PPP4R4: variants seen among roughly 807,000 people sequenced by gnomAD.
PPP4R4 encodes protein phosphatase 4 regulatory subunit 4.
Under a neutral mutation model 121.8 loss-of-function variants are expected in PPP4R4, and 70 were observed. That is an observed-to-expected ratio of 0.57 (90% CI 0.47 to 0.70). The LOEUF (loss-of-function observed/expected upper bound fraction) is 0.70. Among genes scored for constraint, PPP4R4 ranks in the 30% least tolerant of loss-of-function variants. The pLI is 0.00. For missense variants in PPP4R4, 875 were observed against 1,033.6 expected, an observed-to-expected ratio of 0.85 and a Z score of 2.10; for synonymous variants, 348 against 355.7, an observed-to-expected ratio of 0.98 and a Z score of 0.24.
intron 1 of PPP4R4, 100 bp from the exon 2 acceptor site, chr14:94,175,953 AC>A (rs2139365030): frequency 1.1e-6 from 1 of 911,974 alleles, no homozygotes; most frequent in Admixed American, 1.9e-5. Flanking sequence ...TAATTGTGAA[AC>A]TTTTTCATTC....
intron 10 of PPP4R4, 121 bp downstream of exon 10, chr14:94,242,078 A>G: frequency 3.5e-6 from 4 of 1,158,366 alleles, no homozygotes; most frequent in Non-Finnish European, 4.9e-6. Context: ...TCTAGCATAC[A>G]TAGTATGTGC....
At chr14:94,237,111 A>G (rs1316319954) in intron 7 of PPP4R4, among the ~76,000 whole-genome samples, 3 of 152,186 alleles carry the variant, frequency 2.0e-5, no homozygotes, top group Non-Finnish European at 4.4e-5. Context: ...ATCATCTTCT[A>G]TATAGAAATT....
intron 3 of PPP4R4, among the ~76,000 whole-genome samples, chr14:94,219,064 T>C (rs1891236585): frequency 6.8e-6 from 1 of 147,124 alleles, no homozygotes; most frequent in South Asian, 2.2e-4. Flanking sequence ...AATCTTTTTT[T>C]TTTTTCTTTT....
intron 3 of PPP4R4, among the ~76,000 whole-genome samples, chr14:94,224,742 GA>G (rs1891602642): frequency 6.6e-6 from 1 of 152,090 alleles, no homozygotes; most frequent in South Asian, 2.1e-4. Flanking sequence ...ATACGGATGT[GA>G]TACTCTGAAC....
chr14:94,201,901 C>CT (rs1890202802), intron 2 of PPP4R4, among the ~76,000 whole-genome samples: 1 of 150,220 alleles, frequency 6.7e-6, no homozygotes, highest in Admixed American at 6.6e-5. Context: ...AAATGCCCAT[C>CT]AGTCAATGAG....
rs186191534 is a variant in PPP4R4, at chr14:94,202,335, G to A, written c.192-6129G>A. The stretch of plus-strand genomic sequence containing the variant: ...TGCTTAGATACGAATCTAAGAAAAT[G>A]TGTGTAAGATCTGTTTGTTAAAAAT... On this transcript the variant is annotated intron_variant, in intron 2 of 24. Coordinates refer to ENST00000304338, the MANE Select transcript of PPP4R4 (RefSeq NM_058237.2). 2.8e-4 allele frequency among the ~76,000 whole-genome samples: 43 copies of A among 152,296 alleles called. 1 individual carries two copies. Among genetic ancestry groups the A allele is most frequent in the Admixed American group, 2.1e-3 (32 of 15,298 alleles).
Position 94,264,944 on chromosome 14 carries a change from A to G in PPP4R4, c.2194A>G (p.Lys732Glu). The G allele has an allele frequency of 6.3e-7, 1 of 1,589,778 alleles. No individual in the cohort carries two copies. Residue 732 changes from lysine (K) to glutamate (E), a missense_variant, in exon 20 of 25, where the codon AAA (lysine) becomes GAA (glutamate). Lys to Glu is a moderately conservative substitution (Grantham distance 56). Transcript: ENST00000304338. ...CATGAGTGATAAAATGTTTGAAAAG[A>G]AACGTAAGTAGTTTTTCTATGTCTT... is the stretch of plus-strand genomic sequence containing the variant. ...RPMSDKMFEK[K>E]RRDTKTPTQS... is the part of the protein sequence containing the mutation.
rs57458689 is a variant in PPP4R4, at chr14:94,264,170, A to G, written c.2128-708A>G. Among the ~76,000 whole-genome samples the G allele has an allele frequency of 6.6e-5, 10 of 152,264 alleles. No homozygotes were observed. In the East Asian group the frequency reaches 1.5e-3, roughly 23 times the overall value. On this transcript the variant is annotated intron_variant, in intron 19 of 24. Transcript: ENST00000304338. ...ACATATTTATGTATGTATATTTGAGATGGAGTCTCACTCTGTCACCCAGGC... is the reference window on the plus strand; with the variant it reads ...ACATATTTATGTATGTATATTTGAGGTGGAGTCTCACTCTGTCACCCAGGC...
At chr14:94,181,425 C>T (rs1386077819) in intron 2 of PPP4R4, among the ~76,000 whole-genome samples, 1 of 152,140 alleles carries the variant, frequency 6.6e-6, no homozygotes, top group Non-Finnish European at 1.5e-5. Flanking sequence ...TTAATACAAA[C>T]AATTGGCTAG....
At chr14:94,231,220 A>G (rs1235528655) in intron 4 of PPP4R4, 22 bp from the exon 5 acceptor site, 1 of 1,583,086 alleles carries the variant, frequency 6.3e-7, no homozygotes, top group Non-Finnish European at 8.7e-7. Flanking sequence ...TTAATTTAGT[A>G]TGTTTTATCT....
At chr14:94,197,310 T>A (rs931613367) in intron 2 of PPP4R4, among the ~76,000 whole-genome samples, 1 of 152,206 alleles carries the variant, frequency 6.6e-6, no homozygotes, top group African/African-American at 2.4e-5. Flanking sequence ...CCATTTGCAG[T>A]TTTAGCTGCC....
chr14:94,175,845 C>A (rs1888650761), intron 1 of PPP4R4: 2 of 567,184 alleles, frequency 3.5e-6, no homozygotes, highest in African/African-American at 1.9e-5. Context: ...AAAAATACAG[C>A]CCCCTCCCCA....
intron 17 of PPP4R4, 148 bp from the exon 18 acceptor site, chr14:94,258,635 T>G: frequency 1.6e-6 from 1 of 639,322 alleles, no homozygotes; most frequent in Non-Finnish European, 2.8e-6. Flanking sequence ...CAATGTAGAA[T>G]TGGGCAGAAC....
chr14:94,275,561 C>T (rs1341145346), intron 24 of PPP4R4, 40 bp downstream of exon 24: 4 of 1,602,706 alleles, frequency 2.5e-6, no homozygotes, highest in African/African-American at 1.3e-5. Flanking sequence ...GTATTATCCT[C>T]CTCTTTTGCT....
At chr14:94,179,749 A>G (rs1333707389) in intron 2 of PPP4R4, among the ~76,000 whole-genome samples, 1 of 152,224 alleles carries the variant, frequency 6.6e-6, no homozygotes. Flanking sequence ...TCAATTGGCC[A>G]TTAATCACTG....
At chr14:94,264,144 T>G (rs537409594) in intron 19 of PPP4R4, among the ~76,000 whole-genome samples, 11 of 152,182 alleles carry the variant, frequency 7.2e-5, no homozygotes, top group Non-Finnish European at 1.2e-4. Context: ...ACTTTCTTTA[T>G]ACATATTTAT....
At chr14:94,194,769 A>G (rs550091425) in intron 2 of PPP4R4, among the ~76,000 whole-genome samples, 1 of 152,224 alleles carries the variant, frequency 6.6e-6, no homozygotes, top group South Asian at 2.1e-4. Context: ...ACACCGGGCA[A>G]TACTTGGTTT....
intron 13 of PPP4R4, among the ~76,000 whole-genome samples, chr14:94,245,878 G>A (rs1892866953): frequency 1.3e-5 from 2 of 152,028 alleles, no homozygotes; most frequent in South Asian, 4.2e-4. Flanking sequence ...TACCATGATT[G>A]TTGTCTATTG....
At chr14:94,270,531 A>G (rs180942227) in intron 23 of PPP4R4, among the ~76,000 whole-genome samples, 6 of 152,346 alleles carry the variant, frequency 3.9e-5, no homozygotes, top group South Asian at 2.1e-4. Context: ...ATGTTGTCAT[A>G]TATAGTCAGT....
Sources: gnomAD v4.1 joint callset for allele counts (sites outside exome capture counted in the v4.1 genomes callset) on GRCh38, gnomAD v4.1.1 for gene constraint, MANE v1.5 for transcripts, NCBI Gene and HGNC (gene_info 2026-07-23, HGNC 2026-07-21) for gene names.